HERC2: variants seen among roughly 807,000 people sequenced by gnomAD.
The protein encoded by HERC2 is HECT and RLD domain containing E3 ubiquitin protein ligase 2, also known as E3 ubiquitin-protein ligase HERC2.
A neutral mutation model predicts 537.7 loss-of-function variants in HERC2; 102 were observed. The observed-to-expected ratio is 0.19, with a 90% CI of 0.16 to 0.22. HERC2 has a LOEUF of 0.22. HERC2 is among the 10% of genes least tolerant of loss of function. The probability of loss-of-function intolerance (pLI) is 1.00; values close to 1 mark genes in which losing one functional copy is unlikely to be tolerated. For synonymous variants in HERC2, 2,224 were observed against 2,466.2 expected (o/e 0.90, Z 2.91); for missense variants, 4,236 against 6,198.2 (o/e 0.68, Z 10.63).
In HERC2 at chr15:28,176,463, G is replaced by A. The variant is rs769925304; in HGVS notation, c.9651C>T (p.Ser3217=). 2.5e-6 allele frequency: 4 copies of A among 1,614,108 alleles called. No individual in the cohort carries two copies. The highest frequency in any genetic ancestry group is 2.2e-5 in the East Asian group (1 of 44,872). ...CCACTCCAGACTTGGTGAGCGCCAGGGAGAACTGAGCTCCACACTCAATCT... is the reference window on the plus strand; with the variant it reads ...CCACTCCAGACTTGGTGAGCGCCAGAGAGAACTGAGCTCCACACTCAATCT... ...VCQIECGAQF[S]LALTKSGVVW... The change falls in exon 63 of 93, where the codon TCC becomes TCT. Residue 3217 remains serine (S), a synonymous_variant. Transcript: ENST00000261609. The surrounding 1 kb of genome is among the most constrained non-coding windows in gnomAD (Gnocchi z 5.0).
intron 23 of HERC2, among the ~76,000 whole-genome samples, chr15:28,245,338 G>C (rs1353846676): frequency 1.3e-5 from 2 of 151,900 alleles, no homozygotes; most frequent in Admixed American, 1.3e-4. Context: ...CTTGAGGTCA[G>C]GAGTTCGAGA....
intron 70 of HERC2, among the ~76,000 whole-genome samples, chr15:28,147,169 T>C (rs570450840): frequency 6.6e-6 from 1 of 151,780 alleles, no homozygotes; most frequent in African/African-American, 2.4e-5. Context: ...GAATTTGGAA[T>C]ATATTTTAAA....
chr15:28,130,527 G>T lies in HERC2; in HGVS notation c.12638C>A (p.Thr4213Asn), dbSNP rs1889999019. 2 of 1,614,032 alleles carry T rather than the reference G, an allele frequency of 1.2e-6. No homozygotes were observed. Among genetic ancestry groups the T allele is most frequent in the African/African-American group, 1.3e-5 (1 of 75,030 alleles). Residue 4213 changes from threonine to asparagine, a missense_variant, in exon 82 of 93, where the codon ACC becomes AAC. Physicochemically the swap from Thr to Asn is moderately conservative, Grantham distance 65. Around this residue, in one of 27 missense-constraint regions of HERC2, gnomAD observed 38 missense variants for 36.7 expected, o/e 1.04. Transcript: ENST00000261609. ...CCAGGTATAAACAGCTCCAGATTTG[G>T]TAAGGGCAACAGAAAACTGGGATCC... ...ECGSQFSVAL[T>N]KSGAVYTWGK... is the part of the protein sequence containing the mutation.
At position 28,202,399 on chromosome 15, in the gene HERC2, C is replaced by T. The variant is rs1411909756; in HGVS notation, c.7428G>A (p.Glu2476=). Residue 2476 remains glutamate (E), a synonymous_variant, in exon 46 of 93, where the codon GAG becomes GAA. Coordinates refer to ENST00000261609, the MANE Select transcript of HERC2 (RefSeq NM_004667.6). The part of the protein sequence containing the change: ...MEMGFSRRNI[E]FALKSLTGAS... Reference sequence around the variant, plus strand: ...CACCAGTGAGAGACTTCAGGGCAAACTCGATGTTCCTTCTGGAAAATCCCA... The same window carrying T: ...CACCAGTGAGAGACTTCAGGGCAAATTCGATGTTCCTTCTGGAAAATCCCA... The T allele has an allele frequency of 6.2e-7, 1 of 1,612,974 alleles. No individual in the cohort carries two copies. Among genetic ancestry groups the T allele is most frequent in the Non-Finnish European group, 8.5e-7 (1 of 1,179,364 alleles).
In HERC2 at chr15:28,270,856, G is replaced by C. The variant is rs1242862221; in HGVS notation, c.1096C>G (p.Pro366Ala). ...SEGDMHLLSG[P>A]LSPNESFLRY... Reference sequence around the variant, plus strand: ...AGGAAACTCTCATTGGGGCTCAGAGGGCCAGACAAAAGCTAGAAAGGAAAA... The same window carrying C: ...AGGAAACTCTCATTGGGGCTCAGAGCGCCAGACAAAAGCTAGAAAGGAAAA... Residue 366 changes from proline to alanine, a missense_variant, in exon 10 of 93, where the codon CCT (proline) becomes GCT (alanine). Pro to Ala is a conservative substitution (Grantham distance 27). Transcript: ENST00000261609. 7 of 1,613,414 alleles carry C rather than the reference G, an allele frequency of 4.3e-6. No individual in the cohort carries two copies. Among genetic ancestry groups the C allele is most frequent in the Non-Finnish European group, 5.9e-6 (7 of 1,179,782 alleles).
At chr15:28,247,421 C>CTTTTTTTT (rs71132843) in intron 21 of HERC2, among the ~76,000 whole-genome samples, 2 of 76,178 alleles carry the variant, frequency 2.6e-5, no homozygotes, top group African/African-American at 5.2e-5. Flanking sequence ...CTACATGGTT[C>CTTTTTTTT]TTTTTTTTTT....
intron 20 of HERC2, among the ~76,000 whole-genome samples, chr15:28,253,724 G>A (rs1316729671): frequency 1.3e-5 from 2 of 152,224 alleles, no homozygotes; most frequent in African/African-American, 2.4e-5. Context: ...CACTTTCAGA[G>A]GCCAAGGCGG....
At chr15:28,300,103 A>G (rs2076581234) in intron 2 of HERC2, among the ~76,000 whole-genome samples, 1 of 151,822 alleles carries the variant, frequency 6.6e-6, no homozygotes, top group Admixed American at 6.6e-5. Context: ...ACACACAAAC[A>G]CACACACGTG....
At chr15:28,119,136 T>A (rs1888599679) in intron 86 of HERC2, among the ~76,000 whole-genome samples, 1 of 151,604 alleles carries the variant, frequency 6.6e-6, no homozygotes, top group Non-Finnish European at 1.5e-5. Context: ...GTGCGGTGGC[T>A]CATGCCTACA....
At chr15:28,135,431 A>G in intron 79 of HERC2, 47 bp downstream of exon 79, 2 of 1,493,954 alleles carry the variant, frequency 1.3e-6, no homozygotes, top group South Asian at 2.3e-5. Flanking sequence ...TAAAACAAAC[A>G]AAAACAAAGA....
chr15:28,320,632 C>A (rs1452443650), intron 2 of HERC2, among the ~76,000 whole-genome samples: 1 of 151,838 alleles, frequency 6.6e-6, no homozygotes, highest in Non-Finnish European at 1.5e-5. Context: ...CAGACACACA[C>A]AAAATATTTC....
At chr15:28,304,216 T>C (rs1024893202) in intron 2 of HERC2, among the ~76,000 whole-genome samples, 1 of 150,944 alleles carries the variant, frequency 6.6e-6, no homozygotes. Context: ...CAGATTTTTG[T>C]ATGTTAATTT....
intron 86 of HERC2, 192 bp from the exon 87 acceptor site, chr15:28,117,346 G>A (rs1453363400): frequency 5.6e-6 from 4 of 709,726 alleles, no homozygotes; most frequent in East Asian, 2.7e-5. Flanking sequence ...ACCCGAGACC[G>A]CTGCCTCACC....
chr15:28,255,243 C>G (rs1387055062), intron 19 of HERC2, among the ~76,000 whole-genome samples: 3 of 152,048 alleles, frequency 2.0e-5, no homozygotes, highest in Non-Finnish European at 4.4e-5. Context: ...GCTGAGGTGG[C>G]AGGATCATTT....
intron 50 of HERC2, among the ~76,000 whole-genome samples, chr15:28,197,603 T>A: frequency 6.6e-6 from 1 of 151,820 alleles, no homozygotes; most frequent in African/African-American, 2.4e-5. Flanking sequence ...AATACAAAAA[T>A]TATCCAGGCA....
intron 20 of HERC2, 79 bp downstream of exon 20, chr15:28,254,261 C>T (rs956251150): frequency 2.9e-6 from 3 of 1,036,416 alleles, no homozygotes; most frequent in African/African-American, 3.3e-5. Context: ...CCGGCCTGGG[C>T]AACAAGAGCG....
At chr15:28,140,407 C>A (rs907168992) in intron 78 of HERC2, among the ~76,000 whole-genome samples, 1 of 152,158 alleles carries the variant, frequency 6.6e-6, no homozygotes, top group Non-Finnish European at 1.5e-5. Flanking sequence ...GAGACTACGG[C>A]ACTCTATAAA....
rs567953651 is a variant in HERC2, at chr15:28,231,520, C to T, written c.4676-1020G>A. Among the ~76,000 whole-genome samples the T allele has an allele frequency of 2.1e-3, 318 of 152,286 alleles. 1 individual carries two copies. The highest frequency in any genetic ancestry group is 7.1e-3 in the African/African-American group (296 of 41,548). ...TGGCCCCCAACAAAATCTCTAGACT[C>T]GCTCAGGTGCGCTGGCCTGGTTAAC... is the stretch of plus-strand genomic sequence containing the variant. On this transcript the variant is annotated intron_variant, in intron 30 of 92. Transcript: ENST00000261609.
intron 26 of HERC2, among the ~76,000 whole-genome samples, chr15:28,236,139 AC>A (rs367958285): frequency 0.012 from 1,869 of 151,288 alleles, 58 homozygotes; most frequent in African/African-American, 0.041. Flanking sequence ...TGAGACCACC[AC>A]AGGGTAGACG....
Sources: allele counts gnomAD v4.1 joint callset (sites outside exome capture counted in the v4.1 genomes callset), GRCh38; gene constraint gnomAD v4.1.1; regional missense constraint gnomAD v4.1.1; non-coding constraint Gnocchi (gnomAD v3.1); transcripts MANE v1.5; gene names NCBI Gene and HGNC (gene_info 2026-07-23, HGNC 2026-07-21).